The following CENPF variants were observed in gnomAD, a reference collection of about 807,000 sequenced individuals.
The protein encoded by CENPF is centromere protein F, also known as AH antigen.
A neutral mutation model predicts 307.3 loss-of-function variants in CENPF; 214 were observed. The observed-to-expected ratio is 0.70, with a 90% CI of 0.62 to 0.78. The LOEUF is 0.78. Among genes scored for constraint, CENPF ranks in the 30% least tolerant of loss-of-function variants. CENPF has a pLI of 0.00. For synonymous variants in CENPF, 1,259 were observed against 1,270.6 expected (o/e 0.99, Z 0.19); for missense variants, 3,401 against 3,483.9 (o/e 0.98, Z 0.60).
chr1:214,642,594 A>G lies in CENPF; in HGVS notation c.4256A>G (p.Lys1419Arg). The G allele has an allele frequency of 6.2e-7, 1 of 1,609,016 alleles. No homozygotes were observed. Among genetic ancestry groups the G allele is most frequent in the Non-Finnish European group, 8.5e-7 (1 of 1,177,558 alleles). ...TTCTTATCTTTACAAAGTGAACACAAAATTTTACATGATCAGCACTGTCAG... is the reference window on the plus strand; with the variant it reads ...TTCTTATCTTTACAAAGTGAACACAGAATTTTACATGATCAGCACTGTCAG... ...EKFLSLQSEHKILHDQHCQMS... is the reference protein window; with the variant it reads ...EKFLSLQSEHRILHDQHCQMS... Residue 1419 changes from lysine (K) to arginine (R), a missense_variant, in exon 12 of 20, where the codon AAA becomes AGA. Lys to Arg is a conservative substitution (Grantham distance 26). Transcript: ENST00000366955.
At position 214,646,958 on chromosome 1, in the gene CENPF, C is replaced by T; in HGVS notation, c.7388C>T (p.Ala2463Val). 2 of 1,614,038 alleles carry T rather than the reference C, an allele frequency of 1.2e-6. No individual in the cohort carries two copies. Among genetic ancestry groups the T allele is most frequent in the Non-Finnish European group, 1.7e-6 (2 of 1,179,970 alleles). ...RVAALHNDQE[A>V]CKAKEQNLSS... ...GCAGCCCTGCATAATGACCAAGAAGCCTGTAAGGCCAAAGAGCAGAATCTT... is the reference window on the plus strand; with the variant it reads ...GCAGCCCTGCATAATGACCAAGAAGTCTGTAAGGCCAAAGAGCAGAATCTT... Residue 2463 changes from alanine to valine, a missense_variant, in exon 13 of 20, where the codon GCC (alanine) becomes GTC (valine). By Grantham distance (64) the Ala-to-Val change is moderately conservative (BLOSUM62 0). Coordinates refer to ENST00000366955, the MANE Select transcript of CENPF (RefSeq NM_016343.4).
chr1:214,651,195 G>A (rs1247644397), intron 14 of CENPF, among the ~76,000 whole-genome samples: 2 of 152,212 alleles, frequency 1.3e-5, no homozygotes, highest in Admixed American at 1.3e-4. Context: ...GAAGACAAAT[G>A]CTTCCAGGGT....
chr1:214,629,293 C>T, intron 8 of CENPF, 122 bp downstream of exon 8: 1 of 919,416 alleles, frequency 1.1e-6, no homozygotes, highest in East Asian at 2.8e-5. Context: ...AGGAGAAATG[C>T]TTTGTGAGCT....
Position 214,610,145 on chromosome 1 carries a change from A to G in CENPF, c.-41-3569A>G, listed in dbSNP as rs962833297. Reference sequence around the variant, plus strand: ...AGTGTTGGGATTACAGGCATGAGCCACTGTGCCTGGCCATGCATGTGTCTT... The same window carrying G: ...AGTGTTGGGATTACAGGCATGAGCCGCTGTGCCTGGCCATGCATGTGTCTT... On this transcript the variant is annotated intron_variant, in intron 1 of 19. Coordinates refer to ENST00000366955, the MANE Select transcript of CENPF (RefSeq NM_016343.4). Among the ~76,000 whole-genome samples, 4 of 151,750 alleles carry G rather than the reference A, an allele frequency of 2.6e-5. No individual in the cohort carries two copies. The East Asian group carries it at 7.8e-4, about 29-fold the overall frequency.
At chr1:214,615,867 A>AG (rs1657322617) in intron 3 of CENPF, among the ~76,000 whole-genome samples, 1 of 152,060 alleles carries the variant, frequency 6.6e-6, no homozygotes, top group Non-Finnish European at 1.5e-5. Context: ...TGAACCTGGG[A>AG]GGTGGAAGTT....
intron 1 of CENPF, among the ~76,000 whole-genome samples, chr1:214,612,733 C>T (rs569892441): frequency 6.6e-6 from 1 of 152,320 alleles, no homozygotes; most frequent in South Asian, 2.1e-4. Context: ...CAGGATGTTA[C>T]ACATGGCAGG....
In CENPF at chr1:214,648,776, T is replaced by C; in HGVS notation, c.7932T>C (p.Asn2644=). The change falls in exon 14 of 20, where the codon AAT becomes AAC. Residue 2644 remains asparagine (N), a synonymous_variant. Coordinates refer to ENST00000366955, the MANE Select transcript of CENPF (RefSeq NM_016343.4). Reference sequence around the variant, plus strand: ...AAGAAGAACTCAGTGGAGAGAAAAATAGGCTAGCTGGAGAGTTGCAGTTAC... The same window carrying C: ...AAGAAGAACTCAGTGGAGAGAAAAACAGGCTAGCTGGAGAGTTGCAGTTAC... ...ELQEELSGEK[N]RLAGELQLLL... The C allele has an allele frequency of 1.2e-6, 2 of 1,613,888 alleles. No individual in the cohort carries two copies. Among genetic ancestry groups the C allele is most frequent in the Non-Finnish European group, 1.7e-6 (2 of 1,179,898 alleles).
In CENPF at chr1:214,608,418, G is replaced by A. The variant is rs1553283686; in HGVS notation, c.-42+5097G>A. 1.1e-5 allele frequency: 18 copies of A among 1,613,488 alleles called. 1 individual carries two copies. The South Asian group carries it at 1.9e-4, about 17-fold the overall frequency. On this transcript the variant is annotated intron_variant, in intron 1 of 19. Coordinates refer to ENST00000366955, the MANE Select transcript of CENPF (RefSeq NM_016343.4). ...AGCCGGAGTAGTCGTAGGAGAAGAT[G>A]TTGCAATGGAGGCGGGAGCCCAGGC...
Position 214,652,857 on chromosome 1 carries a change from G to T in CENPF, c.8190G>T (p.Glu2730Asp), listed in dbSNP as rs1016113312. 6.3e-7 allele frequency: 1 copy of T among 1,599,164 alleles called. No homozygotes were observed. The highest frequency in any genetic ancestry group is 1.8e-5 in the Admixed American group (1 of 55,828). Residue 2730 changes from glutamate (E) to aspartate (D), a missense_variant, in exon 16 of 20, where the codon GAG (glutamate) becomes GAT (aspartate). Coordinates refer to ENST00000366955, the MANE Select transcript of CENPF (RefSeq NM_016343.4). ...QYEVEIQTYREKLTSKEECLS... is the reference protein window; with the variant it reads ...QYEVEIQTYRDKLTSKEECLS... ...AAGTAGAAATCCAGACATACCGAGA[G>T]AAATTGACTTCTAAAGAAGAATGTC... is the stretch of plus-strand genomic sequence containing the variant.
At chr1:214,656,798 T>C (rs1029904073) in intron 17 of CENPF, 135 bp from the exon 18 acceptor site, 3 of 632,266 alleles carry the variant, frequency 4.7e-6, no homozygotes, top group Non-Finnish European at 8.2e-6. Context: ...TAAGAACATA[T>C]ACAGATATAT....
At position 214,640,870 on chromosome 1, in the gene CENPF, G is replaced by A. The variant is rs767753694; in HGVS notation, c.2532G>A (p.Gln844=). The change falls in exon 12 of 20, where the codon CAG becomes CAA. Residue 844 remains glutamine, a synonymous_variant. Coordinates refer to ENST00000366955, the MANE Select transcript of CENPF (RefSeq NM_016343.4). Reference sequence around the variant, plus strand: ...AATTTTCATTAGAGTCTCAAAAACAGATGAACTCAGACCTGCAAAAGCAGT... The same window carrying A: ...AATTTTCATTAGAGTCTCAAAAACAAATGAACTCAGACCTGCAAAAGCAGT... ...SLEFSLESQK[Q]MNSDLQKQCE... 1 of 1,599,172 alleles carries A rather than the reference G, an allele frequency of 6.3e-7. No individual in the cohort carries two copies. The highest frequency in any genetic ancestry group is 2.2e-5 in the East Asian group (1 of 44,798).
intron 15 of CENPF, 57 bp downstream of exon 15, chr1:214,651,943 A>G (rs1658474637): frequency 1.4e-6 from 2 of 1,424,054 alleles, no homozygotes; most frequent in African/African-American, 1.6e-5. Context: ...GATCATGGTA[A>G]GGCTTTTTTT....
chr1:214,660,785 C>T (rs1193079282), intron 19 of CENPF, among the ~76,000 whole-genome samples: 4 of 152,210 alleles, frequency 2.6e-5, no homozygotes, highest in African/African-American at 9.6e-5. Flanking sequence ...TTAGGCAGCT[C>T]ACTTTATTGT....
At chr1:214,610,862 A>G (rs112333779) in intron 1 of CENPF, among the ~76,000 whole-genome samples, 22 of 152,256 alleles carry the variant, frequency 1.4e-4, no homozygotes, top group African/African-American at 4.3e-4. Flanking sequence ...ATTTTTGTAT[A>G]TGGTGTAAGG....
chr1:214,660,842 G>T (rs765041624), intron 19 of CENPF, among the ~76,000 whole-genome samples: 2 of 152,188 alleles, frequency 1.3e-5, no homozygotes, highest in Non-Finnish European at 2.9e-5. Flanking sequence ...TCTGAGTTCT[G>T]TGAGGTTACT....
At chr1:214,624,303 A>G (rs1250428318) in intron 7 of CENPF, among the ~76,000 whole-genome samples, 1 of 151,960 alleles carries the variant, frequency 6.6e-6, no homozygotes, top group East Asian at 1.9e-4. Context: ...CAAATTAGAG[A>G]GTATTCCTTC....
At chr1:214,655,877 C>T (rs189455071) in intron 17 of CENPF, among the ~76,000 whole-genome samples, 183 of 152,302 alleles carry the variant, frequency 1.2e-3, no homozygotes, top group African/African-American at 4.2e-3. Context: ...AGGCAGGAGC[C>T]ACCATGCCTG....
At position 214,655,652 on chromosome 1, in the gene CENPF, C is replaced by T. The variant is rs576710120; in HGVS notation, c.8485+249C>T. 3.3e-5 allele frequency among the ~76,000 whole-genome samples: 5 copies of T among 152,228 alleles called. No homozygotes were observed. In the East Asian group the frequency reaches 9.7e-4, roughly 29 times the overall value. On this transcript the variant is annotated intron_variant, in intron 17 of 19. Coordinates refer to ENST00000366955, the MANE Select transcript of CENPF (RefSeq NM_016343.4). ...TTGCTGTGTCACCCAGGTGGGAGTG[C>T]AGTGGTGCCATTATGGCTCATTGCA...
intron 18 of CENPF, 108 bp from the exon 19 acceptor site, chr1:214,658,742 A>T: frequency 1.8e-6 from 2 of 1,121,004 alleles, no homozygotes; most frequent in South Asian, 3.0e-5. Flanking sequence ...AGGACAAAGT[A>T]TTTTTTGGAG....
Sources: allele counts gnomAD v4.1 joint callset (sites outside exome capture counted in the v4.1 genomes callset), GRCh38; gene constraint gnomAD v4.1.1; transcripts MANE v1.5; gene names NCBI Gene and HGNC (gene_info 2026-07-23, HGNC 2026-07-21).